COL4A2: variants seen among roughly 807,000 people sequenced by gnomAD.
COL4A2 encodes the protein collagen type IV alpha 2 chain.
COL4A2 carries 99 observed loss-of-function variants against 200.2 expected under a neutral mutation model. That is an observed-to-expected ratio of 0.49 (90% CI 0.42 to 0.58). The LOEUF (loss-of-function observed/expected upper bound fraction) is 0.58, where lower values mean the gene tolerates loss of function less well. Among genes scored for constraint, COL4A2 ranks in the 20% least tolerant of loss-of-function variants. The pLI is 0.00. For synonymous variants in COL4A2, 897 were observed against 900.6 expected (o/e 1.00, Z 0.07); for missense variants, 1,950 against 2,314.1 (o/e 0.84, Z 3.23).
chr13:110,447,743 C>CTGTG (rs147013809), intron 18 of COL4A2, among the ~76,000 whole-genome samples: 65,303 of 151,818 alleles, frequency 0.43, 14,287 homozygotes, highest in South Asian at 0.49. Context: ...AAACGCCTGA[C>CTGTG]TGAGTGACGA....
At chr13:110,462,052 C>T in intron 22 of COL4A2, 62 bp from the exon 23 acceptor site, 2 of 1,597,158 alleles carry the variant, frequency 1.3e-6, no homozygotes, top group Non-Finnish European at 1.7e-6. Context: ...GCTTGCCAGC[C>T]ATCTTCTCAG....
rs1566577249 is a variant in COL4A2 at position 110,512,114 on chromosome 13, C to T, written c.5062C>T (p.Pro1688Ser). 8 of 1,613,600 alleles carry T rather than the reference C, an allele frequency of 5.0e-6. No homozygotes were observed. Among genetic ancestry groups the T allele is most frequent in the Non-Finnish European group, 6.8e-6 (8 of 1,180,050 alleles). ...TCCCGAGCAGAGCTTCCAGGGCTCG[C>T]CCTCCGCCGACACGCTCAAGGCCGG... Reference protein sequence around the residue: ...TIPEQSFQGSPSADTLKAGLI... With the variant: ...TIPEQSFQGSSSADTLKAGLI... Residue 1688 changes from proline (P) to serine (S), a missense_variant, in exon 48 of 48, where the codon CCC becomes TCC. Pro to Ser is a moderately conservative substitution (Grantham distance 74). This residue lies in a region of COL4A2 where 1,385 missense variants were observed against 1,720.5 expected (regional missense o/e 0.80). Transcript: ENST00000360467.
At chr13:110,405,408 A>G (rs1879525434) in intron 4 of COL4A2, among the ~76,000 whole-genome samples, 1 of 152,192 alleles carries the variant, frequency 6.6e-6, no homozygotes, top group Non-Finnish European at 1.5e-5. Context: ...AAGGCCCACT[A>G]GTGGGTCCCG....
At chr13:110,407,349 C>G (rs981360400) in intron 4 of COL4A2, among the ~76,000 whole-genome samples, 1 of 152,136 alleles carries the variant, frequency 6.6e-6, no homozygotes, top group Non-Finnish European at 1.5e-5. Context: ...GCCAGTGTAG[C>G]GAGGAGAGCG....
At chr13:110,411,277 C>G (rs1038922839) in intron 4 of COL4A2, among the ~76,000 whole-genome samples, 4 of 152,206 alleles carry the variant, frequency 2.6e-5, no homozygotes, top group African/African-American at 9.6e-5. Context: ...AACAGCCAAC[C>G]TTTTTAGCAT....
At chr13:110,480,614 G>A (rs1882866439) in intron 31 of COL4A2, among the ~76,000 whole-genome samples, 2 of 152,230 alleles carry the variant, frequency 1.3e-5, no homozygotes, top group Admixed American at 6.5e-5. Context: ...CACAAAGCCA[G>A]TTTATGAATT....
intron 4 of COL4A2, among the ~76,000 whole-genome samples, chr13:110,383,248 T>G (rs998662587): frequency 6.6e-6 from 1 of 152,246 alleles, no homozygotes; most frequent in African/African-American, 2.4e-5. Context: ...AATAGGACAC[T>G]CGTTATTTTC....
intron 3 of COL4A2, among the ~76,000 whole-genome samples, chr13:110,312,734 C>T (rs1407346180): frequency 6.6e-6 from 1 of 152,234 alleles, no homozygotes; most frequent in Non-Finnish European, 1.5e-5. Context: ...TCTGCAACCC[C>T]CAGCCTTGGC....
At chr13:110,504,672 CT>C (rs1485465148) in intron 45 of COL4A2, among the ~76,000 whole-genome samples, 1 of 152,204 alleles carries the variant, frequency 6.6e-6, no homozygotes, top group Admixed American at 6.5e-5. Flanking sequence ...GTGGCGCAAT[CT>C]CAGCTCACTG....
intron 14 of COL4A2, among the ~76,000 whole-genome samples, 153 bp downstream of exon 14, chr13:110,438,190 T>C (rs1880972218): frequency 6.6e-6 from 1 of 152,254 alleles, no homozygotes; most frequent in South Asian, 2.1e-4. Context: ...CATGCATTTT[T>C]ACACTGTATT....
intron 26 of COL4A2, among the ~76,000 whole-genome samples, chr13:110,466,668 A>G (rs910423088): frequency 1.3e-5 from 2 of 152,206 alleles, no homozygotes; most frequent in African/African-American, 2.4e-5. Context: ...GGCTATCTCC[A>G]TTGCTGGCAG....
At chr13:110,438,814 A>ACCCC in intron 15 of COL4A2, 146 bp downstream of exon 15, 1 of 512,554 alleles carries the variant, frequency 2.0e-6, no homozygotes, top group Non-Finnish European at 3.4e-6. Flanking sequence ...CCCCCCCCAC[A>ACCCC]CACACACACA....
At position 110,503,163 on chromosome 13, in the gene COL4A2, C is replaced by T. The variant is rs201627758; in HGVS notation, c.3920C>T (p.Pro1307Leu). The change falls in exon 42 of 48, where the codon CCT (proline) becomes CTT (leucine). Residue 1307 changes from proline to leucine, a missense_variant. Physicochemically the swap from Pro to Leu is moderately conservative, Grantham distance 98. Transcript: ENST00000360467. ...GGGCCACCAGGTTCTGCTGCTCTTC[C>T]TGGAAGCAAAGGTGACACAGGGAAC... Reference protein sequence around the residue: ...PPGPPGSAALPGSKGDTGNPG... With the variant: ...PPGPPGSAALLGSKGDTGNPG... 1 of 1,613,956 alleles carries T rather than the reference C, an allele frequency of 6.2e-7. No individual in the cohort carries two copies. The highest frequency in any genetic ancestry group is 8.5e-7 in the Non-Finnish European group (1 of 1,179,964).
chr13:110,322,574 G>A (rs978536959), intron 3 of COL4A2, among the ~76,000 whole-genome samples: 5 of 152,240 alleles, frequency 3.3e-5, no homozygotes, highest in African/African-American at 1.2e-4. Context: ...GGGGCTGTGA[G>A]AGGAGGCTGT....
intron 3 of COL4A2, among the ~76,000 whole-genome samples, chr13:110,342,291 A>T (rs1876492283): frequency 6.6e-6 from 1 of 152,234 alleles, no homozygotes. Flanking sequence ...ACATTAAATC[A>T]AGTAAGACCC....
Position 110,484,908 on chromosome 13 carries a change from G to T in COL4A2, c.2906G>T (p.Ser969Ile). The change falls in exon 33 of 48, where the codon AGC becomes ATC. Residue 969 changes from serine to isoleucine, a missense_variant. Physicochemically the swap from Ser to Ile is moderately radical, Grantham distance 142. Transcript: ENST00000360467. ...GLAGEPGFKG[S>I]RGDPGPPGPP... is the part of the protein sequence containing the mutation. ...ACAGCACTCTATTCCCTTCCAGGCA[G>T]CCGAGGGGACCCTGGGCCCCCAGGA... The T allele has an allele frequency of 6.2e-7, 1 of 1,610,074 alleles. No individual in the cohort carries two copies. The highest frequency in any genetic ancestry group is 8.5e-7 in the Non-Finnish European group (1 of 1,177,578).
intron 3 of COL4A2, among the ~76,000 whole-genome samples, chr13:110,336,540 C>T (rs1876201704): frequency 6.6e-6 from 1 of 152,118 alleles, no homozygotes; most frequent in Non-Finnish European, 1.5e-5. Context: ...CCTAGTAGGC[C>T]TCATTTCATC....
At chr13:110,385,512 T>TGG in intron 4 of COL4A2, among the ~76,000 whole-genome samples, 1 of 147,840 alleles carries the variant, frequency 6.8e-6, no homozygotes, top group African/African-American at 2.5e-5. Context: ...AGTGTGTGGA[T>TGG]AGGCCGTGGT....
chr13:110,341,339 A>G (rs1670546835), intron 3 of COL4A2, among the ~76,000 whole-genome samples: 1 of 152,206 alleles, frequency 6.6e-6, no homozygotes, highest in African/African-American at 2.4e-5. Context: ...TCCAGCCCCT[A>G]TGGAGCAGTG....
Sources: allele counts gnomAD v4.1 joint callset (sites outside exome capture counted in the v4.1 genomes callset), GRCh38; gene constraint gnomAD v4.1.1; regional missense constraint gnomAD v4.1.1; transcripts MANE v1.5; gene names NCBI Gene and HGNC (gene_info 2026-07-23, HGNC 2026-07-21).